SLC22A23: variants seen among roughly 807,000 people sequenced by gnomAD.
SLC22A23 encodes solute carrier family 22 member 23.
A neutral mutation model predicts 61.0 loss-of-function variants in SLC22A23; 26 were observed. That is an observed-to-expected ratio of 0.43 (90% CI 0.31 to 0.59). The LOEUF (loss-of-function observed/expected upper bound fraction) is 0.59. Among genes scored for constraint, SLC22A23 ranks in the 20% least tolerant of loss-of-function variants. SLC22A23 has a pLI of 0.11. For missense variants in SLC22A23, 796 were observed against 934.7 expected, an observed-to-expected ratio of 0.85 and a Z score of 1.94; for synonymous variants, 430 against 413.9, an observed-to-expected ratio of 1.04 and a Z score of -0.47.
At chr6:3,439,425 G>T in intron 1 of SLC22A23, 1 of 383,224 alleles carries the variant, frequency 2.6e-6, no homozygotes, top group Non-Finnish European at 5.1e-6. Context: ...AGATGGGCCC[G>T]TTCCACGTGA....
At chr6:3,323,114 C>T (rs1475051450) in intron 4 of SLC22A23, among the ~76,000 whole-genome samples, 4 of 152,062 alleles carry the variant, frequency 2.6e-5, no homozygotes, top group Non-Finnish European at 5.9e-5. Context: ...TTTAGTGTTC[C>T]CCCCGTACTG....
intron 4 of SLC22A23, among the ~76,000 whole-genome samples, chr6:3,307,731 G>C (rs914410485): frequency 6.6e-6 from 1 of 152,216 alleles, no homozygotes; most frequent in South Asian, 2.1e-4. Flanking sequence ...GGTGACTGTC[G>C]GTGAGTTACA....
chr6:3,423,822 G>A (rs752896093), intron 1 of SLC22A23, among the ~76,000 whole-genome samples: 1 of 152,240 alleles, frequency 6.6e-6, no homozygotes, highest in Admixed American at 6.5e-5. Flanking sequence ...CCGGACTGTA[G>A]CATTAACATT....
At chr6:3,358,974 A>C (rs1765277555) in intron 3 of SLC22A23, among the ~76,000 whole-genome samples, 1 of 152,182 alleles carries the variant, frequency 6.6e-6, no homozygotes, top group African/African-American at 2.4e-5. Flanking sequence ...TTGCATTTCC[A>C]TGTCAGCGCC....
rs6908578 is a variant in SLC22A23, at chr6:3,322,115, T to C, written c.1082+1719A>G. 0.84 allele frequency among the ~76,000 whole-genome samples: 127,892 copies of C among 152,098 alleles called. 54,067 individuals are homozygous for C. Among genetic ancestry groups the C allele is most frequent in the African/African-American group, 0.89 (37,065 of 41,486 alleles). The stretch of plus-strand genomic sequence containing the variant: ...GACAGGAGCCAGGTGTGGCAAGAGT[T>C]GGCCGCTTCAGGTCCAGGCTCTGAC... On this transcript the variant is annotated intron_variant, in intron 4 of 9. Transcript: ENST00000406686. This position sits in a 1 kb window ranked among gnomAD's most constrained non-coding sequence, Gnocchi z 4.1.
intron 3 of SLC22A23, among the ~76,000 whole-genome samples, chr6:3,339,189 C>G (rs1764021012): frequency 6.6e-6 from 1 of 152,222 alleles, no homozygotes; most frequent in African/African-American, 2.4e-5. Flanking sequence ...TCCTTTAAAA[C>G]TCCTCTTCCA....
chr6:3,301,683 C>T (rs1220591020), intron 4 of SLC22A23, among the ~76,000 whole-genome samples: 1 of 152,212 alleles, frequency 6.6e-6, no homozygotes, highest in Non-Finnish European at 1.5e-5. Context: ...GGCCACTGCC[C>T]AGGGCTGAGG....
chr6:3,426,975 G>A (rs916338714), intron 1 of SLC22A23, among the ~76,000 whole-genome samples: 1 of 152,244 alleles, frequency 6.6e-6, no homozygotes, highest in Non-Finnish European at 1.5e-5. Flanking sequence ...CATGGTAAGC[G>A]AGAGCCTGGT....
intron 4 of SLC22A23, 45 bp downstream of exon 4, chr6:3,323,789 A>C: frequency 6.4e-7 from 1 of 1,572,466 alleles, no homozygotes; most frequent in Non-Finnish European, 8.7e-7. Flanking sequence ...TTCAGGAAGC[A>C]TGTGCAGTCG....
intron 3 of SLC22A23, among the ~76,000 whole-genome samples, chr6:3,362,828 G>A (rs370893497): frequency 6.9e-6 from 1 of 143,926 alleles, no homozygotes; most frequent in Non-Finnish European, 1.5e-5. Flanking sequence ...AAGGACCATC[G>A]AATAAAGATT....
At position 3,400,878 on chromosome 6, in the gene SLC22A23, T is replaced by C. The variant is rs142744036; in HGVS notation, c.913+9310A>G. On this transcript the variant is annotated intron_variant, in intron 3 of 9. Coordinates refer to ENST00000406686, the MANE Select transcript of SLC22A23 (RefSeq NM_015482.2). The stretch of plus-strand genomic sequence containing the variant: ...CTAAATGTAACTGAATATCCAGTTA[T>C]TGAGTCACGGGAATATCATGTTTCA... 7.4e-4 allele frequency among the ~76,000 whole-genome samples: 112 copies of C among 152,370 alleles called. No individual in the cohort carries two copies. In the East Asian group the frequency reaches 0.015, roughly 21 times the overall value.
chr6:3,343,137 T>C (rs1383195823), intron 3 of SLC22A23, among the ~76,000 whole-genome samples: 2 of 152,228 alleles, frequency 1.3e-5, no homozygotes, highest in African/African-American at 4.8e-5. Flanking sequence ...TCTAGGTAGA[T>C]GGGGGAGTTC....
rs1034698006 is a variant in SLC22A23 at position 3,386,013 on chromosome 6, G to A, written c.913+24175C>T. Among the ~76,000 whole-genome samples, 2 of 152,186 alleles carry A rather than the reference G, an allele frequency of 1.3e-5. No individual in the cohort carries two copies. The highest frequency in any genetic ancestry group is 2.4e-5 in the African/African-American group (1 of 41,446). On this transcript the variant is annotated intron_variant, in intron 3 of 9. Coordinates refer to ENST00000406686, the MANE Select transcript of SLC22A23 (RefSeq NM_015482.2). This position sits in a 1 kb window ranked among gnomAD's most constrained non-coding sequence, Gnocchi z 4.4. ...CCCAAGCCCCGCATTTGAGCAGGACGCTGCCAGATGTGACACATCTCACTC... is the reference window on the plus strand; with the variant it reads ...CCCAAGCCCCGCATTTGAGCAGGACACTGCCAGATGTGACACATCTCACTC...
chr6:3,345,177 A>C (rs1764352414), intron 3 of SLC22A23, among the ~76,000 whole-genome samples: 1 of 151,812 alleles, frequency 6.6e-6, no homozygotes, highest in East Asian at 1.9e-4. Flanking sequence ...TAGCATCAGC[A>C]TCTAGGGAAT....
chr6:3,379,889 C>A (rs1366689504), intron 3 of SLC22A23, among the ~76,000 whole-genome samples: 1 of 152,158 alleles, frequency 6.6e-6, no homozygotes, highest in Admixed American at 6.5e-5. Flanking sequence ...ATTGTGCACA[C>A]ATTTCCCCAG....
intron 3 of SLC22A23, among the ~76,000 whole-genome samples, chr6:3,340,457 G>A (rs1378441507): frequency 6.6e-6 from 1 of 152,134 alleles, no homozygotes; most frequent in East Asian, 1.9e-4. Flanking sequence ...ATGACAAATT[G>A]CCCCTTTAGT....
intron 8 of SLC22A23, chr6:3,284,865 A>G: frequency 1.3e-6 from 2 of 1,525,712 alleles, no homozygotes. Context: ...GCAGCACACA[A>G]ACAGGGAAGC....
At chr6:3,284,099 C>G in intron 8 of SLC22A23, 124 bp from the exon 9 acceptor site, 2 of 979,128 alleles carry the variant, frequency 2.0e-6, no homozygotes, top group East Asian at 2.7e-5. Flanking sequence ...GATGGGTATG[C>G]AATTCCCTCT....
intron 4 of SLC22A23, among the ~76,000 whole-genome samples, chr6:3,319,220 T>C (rs1157412405): frequency 6.6e-6 from 1 of 152,196 alleles, no homozygotes; most frequent in African/African-American, 2.4e-5. Context: ...AAGTCACTTC[T>C]GTCCCCTCTT....
Sources: gnomAD v4.1 joint callset for allele counts (sites outside exome capture counted in the v4.1 genomes callset) on GRCh38, gnomAD v4.1.1 for gene constraint, Gnocchi (gnomAD v3.1) non-coding constraint, MANE v1.5 for transcripts, NCBI Gene and HGNC (gene_info 2026-07-23, HGNC 2026-07-21) for gene names.